The following TFB1M variants were observed in gnomAD, a reference collection of about 807,000 sequenced individuals.
TFB1M encodes transcription factor B1, mitochondrial, also known as dimethyladenosine transferase 1, mitochondrial.
TFB1M carries 27 observed loss-of-function variants against 31.1 expected under a neutral mutation model. The ratio of observed to expected loss-of-function variants is 0.87; its 90% confidence interval spans 0.64 to 1.20. The LOEUF is 1.20. Ranked by LOEUF, TFB1M falls within the 50% of genes most tolerant of loss-of-function variation. The probability of loss-of-function intolerance (pLI) is 0.00; values close to 1 mark genes in which losing one functional copy is unlikely to be tolerated. For missense variants in TFB1M, 394 were observed against 418.7 expected, an observed-to-expected ratio of 0.94 and a Z score of 0.51; for synonymous variants, 166 against 151.8, an observed-to-expected ratio of 1.09 and a Z score of -0.69.
intron 5 of TFB1M, among the ~76,000 whole-genome samples, chr6:155,278,744 C>A (rs1785338437): frequency 6.6e-6 from 1 of 152,152 alleles, no homozygotes; most frequent in African/African-American, 2.4e-5. Flanking sequence ...CGGGTGCAAG[C>A]CCTGGTGTGG....
chr6:155,252,380 G>A (rs1280408271), downstream of TFB1M, among the ~76,000 whole-genome samples: 1 of 152,134 alleles, frequency 6.6e-6, no homozygotes, highest in African/African-American at 2.4e-5. Context: ...GAGGCAGGAG[G>A]ATCAATTGAG....
the TFB1M span, chr6:155,243,986 G>C: frequency 6.2e-7 from 1 of 1,605,492 alleles, no homozygotes; most frequent in Non-Finnish European, 8.5e-7. Flanking sequence ...AAGCGTTGAA[G>C]ACACTTTCTT....
chr6:155,288,328 G>A (rs931611176), intron 4 of TFB1M, among the ~76,000 whole-genome samples: 2 of 152,050 alleles, frequency 1.3e-5, no homozygotes, highest in Non-Finnish European at 2.9e-5. Flanking sequence ...TAGCATGTAA[G>A]ACAAAATATA....
chr6:155,260,373 G>C lies in TFB1M; in HGVS notation c.694C>G (p.Pro232Ala). The C allele has an allele frequency of 6.2e-7, 1 of 1,614,220 alleles. No homozygotes were observed. The highest frequency in any genetic ancestry group is 1.1e-5 in the South Asian group (1 of 91,088). The change falls in exon 6 of 7, where the codon CCC becomes GCC. Residue 232 changes from proline to alanine, a missense_variant. This residue lies in a region of TFB1M where 115 missense variants were observed against 144.1 expected (regional missense o/e 0.80). Transcript: ENST00000367166. ...EVDVGVVHFT[P>A]LIQPKIEQPF... ...TGCTCTATCTTGGGCTGTATCAAGG[G>C]AGTGAAGTGCACCACGCCCACGTCC...
At chr6:155,272,504 T>G (rs1442365057) in intron 5 of TFB1M, among the ~76,000 whole-genome samples, 1 of 151,844 alleles carries the variant, frequency 6.6e-6, no homozygotes, top group Non-Finnish European at 1.5e-5. Context: ...TCTGCTTGCC[T>G]TCACAGTATT....
chr6:155,297,017 C>G lies in TFB1M; in HGVS notation c.482G>C (p.Arg161Thr). The change falls in exon 4 of 7, where the codon AGA becomes ACA. Residue 161 changes from arginine to threonine, a missense_variant. By Grantham distance (71) the Arg-to-Thr change is moderately conservative (BLOSUM62 -1). This residue lies in a region of TFB1M where 273 missense variants were observed against 256.4 expected (regional missense o/e 1.06). Transcript: ENST00000367166. Reference protein sequence around the residue: ...IIKWLENISCRDGPFVYGRTQ... With the variant: ...IIKWLENISCTDGPFVYGRTQ... ...TCTGCCATAAACAAAAGGTCCATCT[C>G]TACAGGAAATATTTTCAAGCCACTT... 6.2e-7 allele frequency: 1 copy of G among 1,613,952 alleles called. No homozygotes were observed. The highest frequency in any genetic ancestry group is 8.5e-7 in the Non-Finnish European group (1 of 1,179,936).
the TFB1M span, among the ~76,000 whole-genome samples, chr6:155,242,667 C>CA: frequency 2.0e-5 from 3 of 152,162 alleles, no homozygotes; most frequent in Non-Finnish European, 4.4e-5. Flanking sequence ...TTTTAGGACT[C>CA]AAAATTCTTC....
intron 4 of TFB1M, among the ~76,000 whole-genome samples, chr6:155,292,652 C>T (rs1776985454): frequency 6.6e-6 from 1 of 152,042 alleles, no homozygotes; most frequent in Admixed American, 6.5e-5. Context: ...AAATCCAGCC[C>T]TCATCAGCAT....
chr6:155,249,314 G>C, the TFB1M span, among the ~76,000 whole-genome samples: 1 of 152,142 alleles, frequency 6.6e-6, no homozygotes, highest in Non-Finnish European at 1.5e-5. Flanking sequence ...CATGTACTGG[G>C]GTGTTTTTAA....
the TFB1M span, among the ~76,000 whole-genome samples, chr6:155,249,049 C>T: frequency 6.6e-6 from 1 of 152,088 alleles, no homozygotes; most frequent in Non-Finnish European, 1.5e-5. Flanking sequence ...AGCATTCATA[C>T]TATGTAAAAA....
At chr6:155,313,021 G>C (rs906296285) in intron 1 of TFB1M, 6 of 152,174 alleles carry the variant, frequency 3.9e-5, no homozygotes, top group African/African-American at 1.4e-4. Context: ...GCCGAGGCGA[G>C]TGGATCACTT....
intron 4 of TFB1M, among the ~76,000 whole-genome samples, chr6:155,287,546 CT>C (rs1776718340): frequency 1.3e-5 from 1 of 77,560 alleles, no homozygotes; most frequent in African/African-American, 6.0e-5. Context: ...CTATCATTTA[CT>C]CTGAGTGTGT....
the TFB1M span, chr6:155,244,751 T>C: frequency 6.2e-7 from 1 of 1,613,908 alleles, no homozygotes; most frequent in Non-Finnish European, 8.5e-7. Context: ...ATCATCTGAC[T>C]TTAACACCCT....
Position 155,256,680 on chromosome 6 carries a change from A to G in TFB1M, c.*1156T>C, listed in dbSNP as rs1295255797. 6.2e-7 allele frequency: 1 copy of G among 1,614,088 alleles called. No individual in the cohort carries two copies. Among genetic ancestry groups the G allele is most frequent in the Non-Finnish European group, 8.5e-7 (1 of 1,180,036 alleles). The stretch of plus-strand genomic sequence containing the variant: ...GGAAATACCCACACCCCGGCTTGGC[A>G]GATTTTGCCGACAATCTCATCAAAG... On this transcript the variant is annotated 3_prime_UTR_variant, in exon 7 of 7. Coordinates refer to ENST00000367166, the MANE Select transcript of TFB1M (RefSeq NM_016020.4).
downstream of TFB1M, chr6:155,251,170 A>G (rs745442063): frequency 4.5e-6 from 3 of 666,818 alleles, no homozygotes; most frequent in Non-Finnish European, 7.8e-6. Context: ...GCCCCCAACT[A>G]TTTGAAACTC....
In TFB1M at chr6:155,256,481, T is replaced by C; in HGVS notation, c.*1355A>G. 2 of 1,614,182 alleles carry C rather than the reference T, an allele frequency of 1.2e-6. No homozygotes were observed. The highest frequency in any genetic ancestry group is 1.1e-5 in the South Asian group (1 of 91,048). On this transcript the variant is annotated 3_prime_UTR_variant, in exon 7 of 7. Coordinates refer to ENST00000367166, the MANE Select transcript of TFB1M (RefSeq NM_016020.4). ...ACAGCGAAATGTGTTTTTCTCACTG[T>C]AGCTTCATCCAGGTCTTTAAAAGTC...
rs71023639 is a variant in TFB1M at position 155,296,426 on chromosome 6, ATTTTTTTTTTTT to A, written c.546+515_546+526del. Among the ~76,000 whole-genome samples the A allele has an allele frequency of 1.4e-4, 15 of 103,456 alleles. No homozygotes were observed. The East Asian group carries it at 1.5e-3, about 11-fold the overall frequency. The allele number at this position is 103,456 out of a possible 152,430, so 67.9% of individuals were successfully genotyped here. A position where few individuals can be genotyped will look rare whatever the true frequency, so the allele number is the denominator to read the frequency against. ...AGGCACCCCCCACCACACCCAGCTA[ATTTTTTTTTTTT>A]TTTTTTTTTTTTTGTATTTTTAGTA... On this transcript the variant is annotated intron_variant, in intron 4 of 6. Coordinates refer to ENST00000367166, the MANE Select transcript of TFB1M (RefSeq NM_016020.4).
chr6:155,270,961 T>TA (rs1398962532), intron 5 of TFB1M, among the ~76,000 whole-genome samples: 2 of 152,148 alleles, frequency 1.3e-5, no homozygotes, highest in African/African-American at 4.8e-5. Context: ...TACAACGACT[T>TA]AGAGAGCTAA....
At position 155,311,349 on chromosome 6, in the gene TFB1M, A is replaced by C. The variant is rs1267829330; in HGVS notation, c.134-10T>G. 6.2e-7 allele frequency: 1 copy of C among 1,612,842 alleles called. No individual in the cohort carries two copies. The highest frequency in any genetic ancestry group is 8.5e-7 in the Non-Finnish European group (1 of 1,178,970). On this transcript the variant is annotated splice_polypyrimidine_tract_variant and intron_variant, in intron 1 of 6. Transcript: ENST00000367166. ...TTCCTTACAATCTTATCTAGAGGAA[A>C]AAGAGTTTTAGTTATCTCAATTAAC...
Sources: gnomAD v4.1 joint callset for allele counts (sites outside exome capture counted in the v4.1 genomes callset) on GRCh38, gnomAD v4.1.1 for gene constraint, gnomAD v4.1.1 regional missense constraint, MANE v1.5 for transcripts, NCBI Gene and HGNC (gene_info 2026-07-23, HGNC 2026-07-21) for gene names.